The following SETD2 variants were observed in gnomAD, a reference collection of about 807,000 sequenced individuals.
SETD2 encodes histone-lysine N-methyltransferase SETD2.
Under a neutral mutation model 242.1 loss-of-function variants are expected in SETD2, and 31 were observed. The observed-to-expected ratio is 0.13, with a 90% confidence interval of 0.10 to 0.17. The LOEUF (loss-of-function observed/expected upper bound fraction) is 0.17. Ranked by LOEUF, SETD2 falls within the 10% of genes least tolerant of loss-of-function variation. SETD2 has a pLI of 1.00. For missense variants in SETD2, 2,481 were observed against 3,046.3 expected (o/e 0.81, Z 4.37); for synonymous variants, 1,006 against 1,066.5 (o/e 0.94, Z 1.11).
At position 47,144,844 on chromosome 3, in the gene SETD2, G is replaced by A. The variant is rs183868413; in HGVS notation, c.72-18181C>T. 3.7e-3 allele frequency among the ~76,000 whole-genome samples: 568 copies of A among 151,910 alleles called. 2 individuals are homozygous for A. The highest frequency in any genetic ancestry group is 0.012 in the African/African-American group (485 of 41,420). On this transcript the variant is annotated intron_variant, in intron 1 of 20. Transcript: ENST00000409792. ...CACACACCCGTAATCCCAGCTACTC[G>A]GGAGGCTGAGGTACGAGAATCGCTT...
intron 10 of SETD2, among the ~76,000 whole-genome samples, chr3:47,087,283 C>T (rs994661225): frequency 6.6e-6 from 1 of 151,778 alleles, no homozygotes; most frequent in Non-Finnish European, 1.5e-5. Flanking sequence ...GCCATGGTCC[C>T]CAACCTTTCT....
chr3:47,078,306 G>GT (rs2041179062), intron 12 of SETD2, among the ~76,000 whole-genome samples: 1 of 152,272 alleles, frequency 6.6e-6, no homozygotes, highest in Non-Finnish European at 1.5e-5. Context: ...GAACACTACT[G>GT]TAATATTCCT....
intron 1 of SETD2, among the ~76,000 whole-genome samples, chr3:47,134,289 TG>T (rs2043545328): frequency 6.6e-6 from 1 of 152,262 alleles, no homozygotes. Flanking sequence ...AAGTCATGCA[TG>T]TTTTGACATT....
chr3:47,145,954 T>C (rs2043840113), intron 1 of SETD2, among the ~76,000 whole-genome samples: 1 of 130,210 alleles, frequency 7.7e-6, no homozygotes, highest in South Asian at 2.3e-4. Flanking sequence ...AGTCTAAGGC[T>C]ACAGTGAGCT....
chr3:47,049,837 TGAG>T (rs2039735211), intron 15 of SETD2, among the ~76,000 whole-genome samples: 1 of 65,066 alleles, frequency 1.5e-5, no homozygotes, highest in East Asian at 4.3e-4. Context: ...AAACTTATTC[TGAG>T]TTTATATTAT....
intron 12 of SETD2, among the ~76,000 whole-genome samples, chr3:47,070,344 T>G (rs183105463): frequency 1.3e-5 from 2 of 152,214 alleles, no homozygotes; most frequent in Non-Finnish European, 2.9e-5. Context: ...TCTATCAATA[T>G]GTACCTAAGC....
At chr3:47,086,907 G>GTGTGTGCCTGTAGTCCTAGATA (rs1553691178) in intron 10 of SETD2, among the ~76,000 whole-genome samples, 3 of 151,888 alleles carry the variant, frequency 2.0e-5, no homozygotes, top group Non-Finnish European at 4.4e-5. Flanking sequence ...GGATGTGGTG[G>GTGTGTGCCTGTAGTCCTAGATA]TGTGTGCCTG....
intron 1 of SETD2, among the ~76,000 whole-genome samples, chr3:47,137,081 AAAT>A (rs1481431939): frequency 1.3e-5 from 2 of 152,294 alleles, no homozygotes; most frequent in Non-Finnish European, 2.9e-5. Flanking sequence ...TTTGAATCTA[AAAT>A]AATTTTTTTA....
At chr3:47,034,612 A>G (rs148470446) in intron 18 of SETD2, among the ~76,000 whole-genome samples, 86 of 152,320 alleles carry the variant, frequency 5.6e-4, no homozygotes, top group Admixed American at 9.8e-4. Context: ...ACGGTAAGCT[A>G]TGCTTGCACC....
rs1344291008 is a variant in SETD2 at position 47,094,369 on chromosome 3, T to TA, written c.5142+3585dup. Among the ~76,000 whole-genome samples the TA allele has an allele frequency of 3.3e-5, 5 of 152,280 alleles. No homozygotes were observed. The South Asian group carries it at 8.3e-4, about 25-fold the overall frequency. ...ACAGATGCAATCATAAGAACAAGGA[T>TA]AAAAAATGTTTAGCAATCAAGGGGT... is the stretch of plus-strand genomic sequence containing the variant. On this transcript the variant is annotated intron_variant, in intron 9 of 20. Transcript: ENST00000409792.
In SETD2 at chr3:47,067,025, G is replaced by A. The variant is rs79752114; in HGVS notation, c.6109+45C>T. 68,970 of 1,462,702 alleles carry A rather than the reference G, an allele frequency of 0.047. 1,926 individuals are homozygous for A. Among genetic ancestry groups the A allele is most frequent in the Middle Eastern group, 0.055 (263 of 4,804 alleles). 90.6% of individuals were successfully genotyped at this position (1,462,702 alleles called of 1,614,324 possible). A position where few individuals can be genotyped will look rare whatever the true frequency, so the allele number is the denominator to read the frequency against. On this transcript the variant is annotated intron_variant, in intron 13 of 20. Coordinates refer to ENST00000409792, the MANE Select transcript of SETD2 (RefSeq NM_014159.7). ...TCAGTTACCTCTGCACATAACAAAAGAATATTTGTAAAGCCATCAACACAG... is the reference window on the plus strand; with the variant it reads ...TCAGTTACCTCTGCACATAACAAAAAAATATTTGTAAAGCCATCAACACAG...
intron 15 of SETD2, among the ~76,000 whole-genome samples, chr3:47,051,230 G>T (rs1380740850): frequency 6.6e-6 from 1 of 151,788 alleles, no homozygotes; most frequent in South Asian, 2.1e-4. Context: ...TCAGCCTCCC[G>T]AGTAGCTGGG....
rs2106724870 is a variant in SETD2 at position 47,124,303 on chromosome 3, G to A, written c.333C>T (p.Asp111=). Residue 111 remains aspartate, a synonymous_variant, in exon 3 of 21, where the codon GAC becomes GAT. Coordinates refer to ENST00000409792, the MANE Select transcript of SETD2 (RefSeq NM_014159.7). ...TTTCCATTTTCATTTTAGGAGTCGAGTCTACCTGAAGAGGTACAGCTGGAG... is the reference window on the plus strand; with the variant it reads ...TTTCCATTTTCATTTTAGGAGTCGAATCTACCTGAAGAGGTACAGCTGGAG... The part of the protein sequence containing the change: ...PNPPAVPLQV[D]STPKMKMEIG... 11 of 1,551,786 alleles carry A rather than the reference G, an allele frequency of 7.1e-6. No individual in the cohort carries two copies. Among genetic ancestry groups the A allele is most frequent in the Non-Finnish European group, 6.1e-6 (7 of 1,146,998 alleles).
chr3:47,145,476 C>G (rs762782606), intron 1 of SETD2: 4 of 424,112 alleles, frequency 9.4e-6, no homozygotes, highest in African/African-American at 2.0e-5. Flanking sequence ...CTTGCTGCAG[C>G]CTTGAACTCC....
At chr3:47,058,701 C>G (rs895265616) in intron 14 of SETD2, among the ~76,000 whole-genome samples, 1 of 151,438 alleles carries the variant, frequency 6.6e-6, no homozygotes, top group Non-Finnish European at 1.5e-5. Flanking sequence ...ACTTTTTTGA[C>G]ATTATGGAGA....
In SETD2 at chr3:47,106,037, T is replaced by C. The variant is rs746591640; in HGVS notation, c.4799A>G (p.Lys1600Arg). 6.2e-6 allele frequency: 10 copies of C among 1,614,040 alleles called. No individual in the cohort carries two copies. Among genetic ancestry groups the C allele is most frequent in the African/African-American group, 1.3e-5 (1 of 74,938 alleles). Residue 1600 changes from lysine (K) to arginine (R), a missense_variant, in exon 6 of 21, where the codon AAA becomes AGA. By Grantham distance (26) the Lys-to-Arg change is conservative. Transcript: ENST00000409792. ...KARVKEYARNKNIHYYFMALK... is the reference protein window; with the variant it reads ...KARVKEYARNRNIHYYFMALK... ...GGCCATGAAATAGTAATGGATGTTT[T>C]TGTTTCGTGCATACTCCTTCACTCG...
chr3:47,040,888 A>G (rs939948407), intron 17 of SETD2, among the ~76,000 whole-genome samples: 5 of 152,260 alleles, frequency 3.3e-5, no homozygotes, highest in Non-Finnish European at 2.9e-5. Context: ...GAACTTATAC[A>G]TACTTCTTTT....
chr3:47,052,010 T>G (rs1230632323), intron 15 of SETD2, among the ~76,000 whole-genome samples: 3 of 152,162 alleles, frequency 2.0e-5, no homozygotes, highest in Non-Finnish European at 2.9e-5. Context: ...TCTACTTATG[T>G]TAAAAGCCTA....
At chr3:47,078,734 T>C (rs1288866903) in intron 12 of SETD2, among the ~76,000 whole-genome samples, 1 of 151,928 alleles carries the variant, frequency 6.6e-6, no homozygotes, top group Non-Finnish European at 1.5e-5. Flanking sequence ...GTTGTTGTTT[T>C]GTTTTGTTTT....
Sources: gnomAD v4.1 joint callset for allele counts (sites outside exome capture counted in the v4.1 genomes callset) on GRCh38, gnomAD v4.1.1 for gene constraint, MANE v1.5 for transcripts, NCBI Gene and HGNC (gene_info 2026-07-23, HGNC 2026-07-21) for gene names.